The following STX5 variants were observed in gnomAD, a reference collection of about 807,000 sequenced individuals.
STX5 encodes the protein syntaxin-5.
STX5 carries 15 observed loss-of-function variants against 42.9 expected under a neutral mutation model. The ratio of observed to expected loss-of-function variants is 0.35; its 90% confidence interval spans 0.23 to 0.54. The LOEUF (loss-of-function observed/expected upper bound fraction) is 0.54, where lower values mean the gene tolerates loss of function less well. Ranked by LOEUF, STX5 falls within the 20% of genes least tolerant of loss-of-function variation. The pLI is 0.91. For synonymous variants in STX5, 184 were observed against 173.2 expected, an observed-to-expected ratio of 1.06 and a Z score of -0.49; for missense variants, 430 against 455.0, an observed-to-expected ratio of 0.95 and a Z score of 0.50.
At chr11:62,821,750 G>C (rs1048191571) in intron 10 of STX5, among the ~76,000 whole-genome samples, 1 of 149,632 alleles carries the variant, frequency 6.7e-6, no homozygotes, top group Non-Finnish European at 1.5e-5. Flanking sequence ...AATTAACACC[G>C]GGCATGGTGG....
intron 10 of STX5, among the ~76,000 whole-genome samples, chr11:62,812,323 C>T (rs1377967758): frequency 4.0e-5 from 6 of 151,486 alleles, no homozygotes; most frequent in Middle Eastern, 3.2e-3. Flanking sequence ...GTGGTCCGCC[C>T]GCCTCGGCCT....
chr11:62,810,932 G>C (rs2084610373), intron 10 of STX5, among the ~76,000 whole-genome samples: 1 of 152,196 alleles, frequency 6.6e-6, no homozygotes, highest in Non-Finnish European at 1.5e-5. Flanking sequence ...TACTGGCACT[G>C]ATCCAATTAA....
chr11:62,831,364 G>A (rs1047299940), intron 1 of STX5, 102 bp from the exon 2 acceptor site: 10 of 880,690 alleles, frequency 1.1e-5, no homozygotes, highest in Non-Finnish European at 1.5e-5. Flanking sequence ...TGCACTTCTC[G>A]TGGACTTTCG....
chr11:62,809,543 G>A (rs1434602807), intron 10 of STX5, among the ~76,000 whole-genome samples: 10 of 150,632 alleles, frequency 6.6e-5, no homozygotes, highest in South Asian at 2.1e-4. Flanking sequence ...GCGTGGTGGC[G>A]GGCGCCTGTA....
chr11:62,813,649 G>A (rs1174132003), intron 10 of STX5, among the ~76,000 whole-genome samples: 3 of 152,168 alleles, frequency 2.0e-5, no homozygotes, highest in Admixed American at 1.3e-4. Context: ...GCTAGATACC[G>A]TGGGGAATAA....
chr11:62,826,769 A>G (rs2134852415), intron 5 of STX5, among the ~76,000 whole-genome samples: 1 of 151,208 alleles, frequency 6.6e-6, no homozygotes, highest in South Asian at 2.1e-4. Flanking sequence ...AGTCCCAGCT[A>G]CTGGGGAGGC....
In STX5 at chr11:62,825,166, C is replaced by A. The variant is rs370632358; in HGVS notation, c.598-49G>T. On this transcript the variant is annotated intron_variant, in intron 7 of 10. Coordinates refer to ENST00000294179, the MANE Select transcript of STX5 (RefSeq NM_003164.5). ...GGACCTGAAGCCACTAGAAAGCAGG[C>A]ATGTTAAAGAGACTCCCACCATTGG... 2.5e-6 allele frequency: 4 copies of A among 1,611,800 alleles called. No homozygotes were observed. In the African/African-American group the frequency reaches 5.3e-5, roughly 21 times the overall value.
chr11:62,812,806 A>G (rs2084632939), intron 10 of STX5, among the ~76,000 whole-genome samples: 1 of 151,860 alleles, frequency 6.6e-6, no homozygotes, highest in Non-Finnish European at 1.5e-5. Context: ...CCTAGGTCTC[A>G]GCTGAAATAG....
chr11:62,815,318 TTTTTA>T (rs770178281), intron 10 of STX5, among the ~76,000 whole-genome samples: 17 of 151,902 alleles, frequency 1.1e-4, no homozygotes, highest in African/African-American at 3.4e-4. Context: ...CCGGGTGTGG[TTTTTA>T]TTTTATTTAT....
At chr11:62,829,936 G>T (rs2084837070) in intron 2 of STX5, among the ~76,000 whole-genome samples, 1 of 151,216 alleles carries the variant, frequency 6.6e-6, no homozygotes, top group Non-Finnish European at 1.5e-5. Flanking sequence ...GTGGTGACGG[G>T]CACCTGTAAT....
chr11:62,815,282 A>G (rs2084660992), intron 10 of STX5, among the ~76,000 whole-genome samples: 1 of 152,214 alleles, frequency 6.6e-6, no homozygotes, highest in Non-Finnish European at 1.5e-5. Context: ...CTGGGATTAC[A>G]GGCATGAGCC....
intron 2 of STX5, 110 bp from the exon 3 acceptor site, chr11:62,827,741 C>T: frequency 8.9e-7 from 1 of 1,118,748 alleles, no homozygotes; most frequent in Non-Finnish European, 1.3e-6. Flanking sequence ...TGGCATCCAT[C>T]AGATGATCTA....
At chr11:62,829,453 A>AATAG (rs2084831844) in intron 2 of STX5, among the ~76,000 whole-genome samples, 1 of 151,714 alleles carries the variant, frequency 6.6e-6, no homozygotes, top group African/African-American at 2.4e-5. Flanking sequence ...TAAATAAATA[A>AATAG]ATAGCACTCC....
intron 10 of STX5, among the ~76,000 whole-genome samples, chr11:62,817,690 G>A (rs1484925793): frequency 1.3e-5 from 2 of 152,078 alleles, no homozygotes; most frequent in Non-Finnish European, 2.9e-5. Flanking sequence ...AAATATGCTT[G>A]TACTCACTAA....
At chr11:62,823,940 A>C in intron 10 of STX5, 1 of 588,488 alleles carries the variant, frequency 1.7e-6, no homozygotes, top group Admixed American at 3.1e-5. Context: ...GACAGACTTT[A>C]CTGTTCTACT....
At chr11:62,815,538 T>C (rs984333423) in intron 10 of STX5, among the ~76,000 whole-genome samples, 3 of 151,354 alleles carry the variant, frequency 2.0e-5, no homozygotes, top group Admixed American at 6.6e-5. Flanking sequence ...GGCGTGGTTT[T>C]TTTTTTTTTA....
At chr11:62,824,374 T>C in intron 9 of STX5, 85 bp downstream of exon 9, 1 of 1,611,820 alleles carries the variant, frequency 6.2e-7, no homozygotes, top group Admixed American at 1.7e-5. Flanking sequence ...CTTGCCATTC[T>C]GCCCATGGCA....
rs2084783203 is a variant in STX5, at chr11:62,825,354, G to C, written c.541-15C>G. ...GCCAGTTTCGACTAGAAGAAAAGGA[G>C]AGAGGGTCAACCAAAGAAGGCTCCA... is the stretch of plus-strand genomic sequence containing the variant. On this transcript the variant is annotated splice_polypyrimidine_tract_variant and intron_variant, in intron 6 of 10. Coordinates refer to ENST00000294179, the MANE Select transcript of STX5 (RefSeq NM_003164.5). 1 of 1,614,022 alleles carries C rather than the reference G, an allele frequency of 6.2e-7. No homozygotes were observed. Among genetic ancestry groups the C allele is most frequent in the Admixed American group, 1.7e-5 (1 of 60,006 alleles).
chr11:62,830,757 C>G (rs10431143), intron 2 of STX5, among the ~76,000 whole-genome samples: 10,812 of 152,190 alleles, frequency 0.071, 419 homozygotes, highest in East Asian at 0.15. Flanking sequence ...TATATTGCAG[C>G]CAAGTACTCT....
Sources: gnomAD v4.1 joint callset for allele counts (sites outside exome capture counted in the v4.1 genomes callset) on GRCh38, gnomAD v4.1.1 for gene constraint, MANE v1.5 for transcripts, NCBI Gene and HGNC (gene_info 2026-07-23, HGNC 2026-07-21) for gene names.